ZW10: variants seen among roughly 807,000 people sequenced by gnomAD.
ZW10 encodes zw10 kinetochore protein, also known as centromere/kinetochore protein zw10 homolog.
Under a neutral mutation model 87.8 loss-of-function variants are expected in ZW10, and 53 were observed. The observed-to-expected ratio is 0.60, with a 90% CI of 0.48 to 0.76. The LOEUF (loss-of-function observed/expected upper bound fraction) is 0.76, where lower values mean the gene tolerates loss of function less well. ZW10 is among the 30% of genes least tolerant of loss of function. The pLI, the probability that ZW10 is intolerant of heterozygous loss-of-function variation, is 0.00. For synonymous variants in ZW10, 312 were observed against 329.2 expected (o/e 0.95, Z 0.57); for missense variants, 837 against 923.0 (o/e 0.91, Z 1.21).
intron 7 of ZW10, among the ~76,000 whole-genome samples, chr11:113,757,034 C>T (rs1273004969): frequency 6.6e-6 from 1 of 150,926 alleles, no homozygotes; most frequent in East Asian, 1.9e-4. Context: ...ACTTTAGCCA[C>T]AGCAAGAATG....
intron 3 of ZW10, 88 bp from the exon 4 acceptor site, chr11:113,760,678 C>A: frequency 1.7e-6 from 2 of 1,148,686 alleles, no homozygotes; most frequent in South Asian, 1.5e-5. Context: ...ACTTTCCCTC[C>A]CCCTCCCCCC....
chr11:113,758,545 A>G lies in ZW10; in HGVS notation c.733+9T>C. 6.2e-7 allele frequency: 1 copy of G among 1,612,448 alleles called. No individual in the cohort carries two copies. Among genetic ancestry groups the G allele is most frequent in the Non-Finnish European group, 8.5e-7 (1 of 1,179,510 alleles). ...TTTTGTGTAAATGAAACAAAGTAGC[A>G]TGCCTTACCAAATGATTTAAGCTTG... On this transcript the variant is annotated intron_variant, in intron 6 of 15. Coordinates refer to ENST00000200135, the MANE Select transcript of ZW10 (RefSeq NM_004724.4).
At chr11:113,747,389 G>T in intron 9 of ZW10, 142 bp downstream of exon 9, 1 of 706,020 alleles carries the variant, frequency 1.4e-6, no homozygotes, top group Non-Finnish European at 2.3e-6. Context: ...CTTTAAAGGA[G>T]ACAAAACCAA....
rs1565282429 is a variant in ZW10, at chr11:113,747,671, T to C, written c.1132A>G (p.Met378Val). 6.2e-7 allele frequency: 1 copy of C among 1,612,970 alleles called. No individual in the cohort carries two copies. Among genetic ancestry groups the C allele is most frequent in the Non-Finnish European group, 8.5e-7 (1 of 1,179,330 alleles). Residue 378 changes from methionine to valine, a missense_variant, in exon 9 of 16, where the codon ATG (methionine) becomes GTG (valine). Transcript: ENST00000200135. Reference protein sequence around the residue: ...TEEFENALKEMRFLKGDTTDL... With the variant: ...TEEFENALKEVRFLKGDTTDL... ...GTAGTATCTCCTTTTAAAAATCTCA[T>C]TTCCTTTAGGGCATTTTCAAATTCT...
rs1460417679 is a variant in ZW10, at chr11:113,773,505, C to T, written c.105+57G>A. 1.1e-5 allele frequency: 16 copies of T among 1,505,812 alleles called. No homozygotes were observed. In the East Asian group the frequency reaches 3.4e-4, roughly 32 times the overall value. 93.3% of individuals were successfully genotyped at this position (1,505,812 alleles called of 1,614,324 possible). Reference sequence around the variant, plus strand: ...AGCCCCTGACTCCTCTCTCCAGTCCCTTCACACAAGGACCCGGAGTCCCCT... The same window carrying T: ...AGCCCCTGACTCCTCTCTCCAGTCCTTTCACACAAGGACCCGGAGTCCCCT... On this transcript the variant is annotated intron_variant, in intron 1 of 15. Coordinates refer to ENST00000200135, the MANE Select transcript of ZW10 (RefSeq NM_004724.4).
At chr11:113,757,932 T>C in intron 6 of ZW10, 79 bp from the exon 7 acceptor site, 3 of 1,233,200 alleles carry the variant, frequency 2.4e-6, no homozygotes, top group Non-Finnish European at 3.3e-6. Flanking sequence ...ACATCTGTAA[T>C]CCCAGCACTT....
At chr11:113,750,405 G>T (rs1953722909) in intron 7 of ZW10, among the ~76,000 whole-genome samples, 1 of 151,964 alleles carries the variant, frequency 6.6e-6, no homozygotes, top group Non-Finnish European at 1.5e-5. Flanking sequence ...CTGGGTTCAA[G>T]CGATTCTCCT....
At chr11:113,763,036 G>A (rs1163625398) in intron 2 of ZW10, among the ~76,000 whole-genome samples, 1 of 151,958 alleles carries the variant, frequency 6.6e-6, no homozygotes. Context: ...CCCCCACCAG[G>A]CCCTGGTGTG....
chr11:113,733,621 A>C lies in ZW10; in HGVS notation c.*73T>G, dbSNP rs1384058042. 6.3e-7 allele frequency: 1 copy of C among 1,599,388 alleles called. No homozygotes were observed. Among genetic ancestry groups the C allele is most frequent in the African/African-American group, 1.3e-5 (1 of 74,298 alleles). On this transcript the variant is annotated 3_prime_UTR_variant, in exon 16 of 16. Transcript: ENST00000200135. ...CCAAAACCAATGGGCGATTCAAAGA[A>C]GTCTTTAAGGGAGTAATTATGCCAA...
Position 113,760,846 on chromosome 11 carries a change from C to T in ZW10, c.313G>A (p.Val105Ile). 1 of 1,614,074 alleles carries T rather than the reference C, an allele frequency of 6.2e-7. No individual in the cohort carries two copies. The highest frequency in any genetic ancestry group is 1.7e-5 in the Admixed American group (1 of 60,008). The part of the protein sequence containing the change: ...LKQQLERDSV[V>I]LSLLKQLQEF... Reference sequence around the variant, plus strand: ...TGCAACTGTTTAAGCAAACTTAGGACAACTGAGTCTCTTTCCAACTGCTGC... The same window carrying T: ...TGCAACTGTTTAAGCAAACTTAGGATAACTGAGTCTCTTTCCAACTGCTGC... Residue 105 changes from valine to isoleucine, a missense_variant, in exon 3 of 16, where the codon GTC becomes ATC. Transcript: ENST00000200135.
chr11:113,768,632 A>T (rs1953930896), intron 2 of ZW10, among the ~76,000 whole-genome samples: 2 of 152,156 alleles, frequency 1.3e-5, no homozygotes, highest in Admixed American at 1.3e-4. Flanking sequence ...TTTCTTCCAT[A>T]AAAAATAAGT....
chr11:113,766,834 T>C (rs1370853884), intron 2 of ZW10, among the ~76,000 whole-genome samples: 1 of 150,384 alleles, frequency 6.6e-6, no homozygotes, highest in African/African-American at 2.4e-5. Flanking sequence ...CTGGCCAACA[T>C]GGTGAAACCC....
chr11:113,770,410 T>A (rs1953951574), intron 1 of ZW10: 1 of 149,442 alleles, frequency 6.7e-6, no homozygotes, highest in African/African-American at 2.5e-5. Context: ...TTTTTTTTTT[T>A]ACTTGGATGA....
Position 113,747,727 on chromosome 11 carries a change from G to T in ZW10, c.1090-14C>A, listed in dbSNP as rs548240165. On this transcript the variant is annotated splice_polypyrimidine_tract_variant and intron_variant, in intron 8 of 15. Transcript: ENST00000200135. ...GGACTGTATGATCTGAGATACAAAA[G>T]AAAAAAAAGAAAAGAATCATTTACA... 2.9e-5 allele frequency: 44 copies of T among 1,537,056 alleles called. No individual in the cohort carries two copies. In the African/African-American group the frequency reaches 4.7e-4, roughly 17 times the overall value.
At chr11:113,764,624 G>A (rs966153441) in intron 2 of ZW10, among the ~76,000 whole-genome samples, 4 of 151,856 alleles carry the variant, frequency 2.6e-5, no homozygotes, top group African/African-American at 4.8e-5. Flanking sequence ...AAACTTTCCT[G>A]TTAAAAACTA....
chr11:113,767,143 T>C (rs1790724), intron 2 of ZW10, among the ~76,000 whole-genome samples: 1 of 151,470 alleles, frequency 6.6e-6, no homozygotes, highest in Admixed American at 6.6e-5. Flanking sequence ...GGCCTTAGAT[T>C]GTGGAATCAG....
rs750986294 is a variant in ZW10, at chr11:113,758,698, T to C, written c.589A>G (p.Ser197Gly). Reference sequence around the variant, plus strand: ...TCAGTTTGTAGGTAAGATTCCAAACTGCTGGTATCTAAGAAAAAGGAAGAA... The same window carrying C: ...TCAGTTTGTAGGTAAGATTCCAAACCGCTGGTATCTAAGAAAAAGGAAGAA... ...WKFPPSKDTS[S>G]LESYLQTELH... is the part of the protein sequence containing the mutation. The change falls in exon 6 of 16, where the codon AGT (serine) becomes GGT (glycine). Residue 197 changes from serine to glycine, a missense_variant. Coordinates refer to ENST00000200135, the MANE Select transcript of ZW10 (RefSeq NM_004724.4). The C allele has an allele frequency of 3.7e-6, 6 of 1,613,730 alleles. 1 individual carries two copies. In the Admixed American group the frequency reaches 6.7e-5, roughly 18 times the overall value.
chr11:113,766,924 G>A (rs1953914074), intron 2 of ZW10, among the ~76,000 whole-genome samples: 3 of 152,084 alleles, frequency 2.0e-5, no homozygotes, highest in Middle Eastern at 3.4e-3. Flanking sequence ...GGCTGAGGCA[G>A]GAGAATTGCT....
chr11:113,766,968 G>C (rs1953914636), intron 2 of ZW10, among the ~76,000 whole-genome samples: 1 of 151,992 alleles, frequency 6.6e-6, no homozygotes, highest in Non-Finnish European at 1.5e-5. Flanking sequence ...GGTGAGCCTA[G>C]ATCGCACCAC....
Sources: allele counts gnomAD v4.1 joint callset (sites outside exome capture counted in the v4.1 genomes callset), GRCh38; gene constraint gnomAD v4.1.1; transcripts MANE v1.5; gene names NCBI Gene and HGNC (gene_info 2026-07-23, HGNC 2026-07-21).